Variants in DNAJC13 observed in about 807,000 individuals in gnomAD.
DNAJC13 encodes the protein dnaJ homolog subfamily C member 13.
A neutral mutation model predicts 290.5 loss-of-function variants in DNAJC13; 75 were observed. The observed-to-expected ratio is 0.26, with a 90% CI of 0.21 to 0.31. The LOEUF is 0.31. DNAJC13 is among the 10% of genes least tolerant of loss of function. DNAJC13 has a pLI of 1.00. For missense variants in DNAJC13, 2,260 were observed against 2,674.5 expected, an observed-to-expected ratio of 0.85 and a Z score of 3.42; for synonymous variants, 862 against 892.0, an observed-to-expected ratio of 0.97 and a Z score of 0.60.
chr3:132,490,368 T>C lies in DNAJC13; in HGVS notation c.3469-529T>C, dbSNP rs537258783. On this transcript the variant is annotated intron_variant, in intron 31 of 55. Coordinates refer to ENST00000260818, the MANE Select transcript of DNAJC13 (RefSeq NM_015268.4). ...GTATGATCATTATCCTAACTCCATT[T>C]GGCCTGCCAGAGGATATGGACTTCG... is the stretch of plus-strand genomic sequence containing the variant. 4.6e-5 allele frequency among the ~76,000 whole-genome samples: 7 copies of C among 152,318 alleles called. No individual in the cohort carries two copies. In the South Asian group the frequency reaches 6.2e-4, roughly 14 times the overall value.
At chr3:132,485,010 G>A (rs1305584865) in intron 29 of DNAJC13, among the ~76,000 whole-genome samples, 2 of 152,186 alleles carry the variant, frequency 1.3e-5, no homozygotes, top group Non-Finnish European at 2.9e-5. Context: ...TTTGATCCCA[G>A]GAGTTTGAGG....
Position 132,502,420 on chromosome 3 carries a change from C to T in DNAJC13, c.4668C>T (p.Tyr1556=), listed in dbSNP as rs1401890026. 1.2e-6 allele frequency: 2 copies of T among 1,613,990 alleles called. No homozygotes were observed. Among genetic ancestry groups the T allele is most frequent in the South Asian group, 2.2e-5 (2 of 91,058 alleles). ...TTGGTTTTCTGTTTAATTATGACTA[C>T]ACACTAGAAGAGAGTGGCATTCAGA... ...YLLGFLFNYD[Y]TLEESGIQKS... Residue 1556 remains tyrosine, a synonymous_variant, in exon 40 of 56, where the codon TAC becomes TAT. Transcript: ENST00000260818.
chr3:132,451,511 A>T (rs563299786), intron 6 of DNAJC13, among the ~76,000 whole-genome samples: 1 of 152,310 alleles, frequency 6.6e-6, no homozygotes, highest in South Asian at 2.1e-4. Context: ...GAACCCTGTT[A>T]ATCAGTAATA....
In DNAJC13 at chr3:132,482,276, A is replaced by G. The variant is rs1164583806; in HGVS notation, c.2925A>G (p.Glu975=). The change falls in exon 27 of 56, where the codon GAA becomes GAG. Residue 975 remains glutamate, a synonymous_variant. Coordinates refer to ENST00000260818, the MANE Select transcript of DNAJC13 (RefSeq NM_015268.4). ...ATATGAAAAGAGAGAGTGAAAAGGA[A>G]TGGTATTTTGGCAACGCAGACAAAG... The part of the protein sequence containing the change: ...APDMKRESEK[E]WYFGNADKER... 7 of 1,613,712 alleles carry G rather than the reference A, an allele frequency of 4.3e-6. No individual in the cohort carries two copies. Among genetic ancestry groups the G allele is most frequent in the Non-Finnish European group, 5.9e-6 (7 of 1,179,802 alleles).
At chr3:132,467,733 G>A (rs897720687) in intron 20 of DNAJC13, among the ~76,000 whole-genome samples, 2 of 152,158 alleles carry the variant, frequency 1.3e-5, no homozygotes, top group Non-Finnish European at 1.5e-5. Context: ...CCAAAGTGCT[G>A]GGATTACAGG....
At chr3:132,448,465 G>A (rs538097768) in intron 5 of DNAJC13, among the ~76,000 whole-genome samples, 1 of 152,194 alleles carries the variant, frequency 6.6e-6, no homozygotes, top group East Asian at 1.9e-4. Context: ...ACTTTCCCAG[G>A]CCTTTTCCAG....
intron 22 of DNAJC13, among the ~76,000 whole-genome samples, chr3:132,476,608 A>G (rs1934481208): frequency 6.6e-6 from 1 of 152,212 alleles, no homozygotes; most frequent in Non-Finnish European, 1.5e-5. Flanking sequence ...TAAAACCAGC[A>G]TCTGTGTAAC....
At position 132,450,834 on chromosome 3, in the gene DNAJC13, G is replaced by A. The variant is rs757755351; in HGVS notation, c.524G>A (p.Gly175Glu). The A allele has an allele frequency of 2.6e-6, 4 of 1,547,864 alleles. No individual in the cohort carries two copies. Among genetic ancestry groups the A allele is most frequent in the Non-Finnish European group, 3.5e-6 (4 of 1,132,664 alleles). ...GGAGGATTTTGTATACTTTATGGAG[G>A]ATTTAGTAGATTGGTAAGTACTATT... ...YQGGFCILYG[G>E]FSRLHLFASE... is the part of the protein sequence containing the mutation. The change falls in exon 6 of 56, where the codon GGA becomes GAA. Residue 175 changes from glycine (G) to glutamate (E), a missense_variant. Coordinates refer to ENST00000260818, the MANE Select transcript of DNAJC13 (RefSeq NM_015268.4).
intron 53 of DNAJC13, 131 bp from the exon 54 acceptor site, chr3:132,528,058 A>T: frequency 1.1e-6 from 1 of 880,366 alleles, no homozygotes; most frequent in South Asian, 1.7e-5. Context: ...TTAGATACTT[A>T]AGCCTGTGTA....
chr3:132,495,496 TG>T (rs1257181464), intron 35 of DNAJC13, among the ~76,000 whole-genome samples: 2 of 152,170 alleles, frequency 1.3e-5, no homozygotes, highest in African/African-American at 2.4e-5. Context: ...AGGTTTTAGG[TG>T]ATACCATTGC....
chr3:132,470,663 G>A (rs1222585164), intron 20 of DNAJC13, among the ~76,000 whole-genome samples: 1 of 136,938 alleles, frequency 7.3e-6, no homozygotes, highest in Non-Finnish European at 1.6e-5. Flanking sequence ...GCCGGGCGGG[G>A]GGCCGACACC....
intron 1 of DNAJC13, among the ~76,000 whole-genome samples, chr3:132,428,779 G>A (rs1333279384): frequency 3.3e-5 from 5 of 152,184 alleles, no homozygotes; most frequent in African/African-American, 7.2e-5. Flanking sequence ...CTGTCAGCCC[G>A]GATGGAGCGC....
In DNAJC13 at chr3:132,488,395, G is replaced by A. The variant is rs1348079095; in HGVS notation, c.3365G>A (p.Ser1122Asn). 1 of 1,613,506 alleles carries A rather than the reference G, an allele frequency of 6.2e-7. No homozygotes were observed. Among genetic ancestry groups the A allele is most frequent in the African/African-American group, 1.3e-5 (1 of 74,886 alleles). Reference protein sequence around the residue: ...DNPQLPRLYLSGVFFFIMMYT... With the variant: ...DNPQLPRLYLNGVFFFIMMYT... ...CCACAGTTACCCCGCCTTTATCTGAGTGGAGTATTTTTCTTTATCATGATG... is the reference window on the plus strand; with the variant it reads ...CCACAGTTACCCCGCCTTTATCTGAATGGAGTATTTTTCTTTATCATGATG... The change falls in exon 30 of 56, where the codon AGT becomes AAT. Residue 1122 changes from serine (S) to asparagine (N), a missense_variant. Ser to Asn is a conservative substitution (Grantham distance 46, BLOSUM62 1). Coordinates refer to ENST00000260818, the MANE Select transcript of DNAJC13 (RefSeq NM_015268.4).
At chr3:132,516,009 A>AC (rs1935909455) in intron 46 of DNAJC13, among the ~76,000 whole-genome samples, 1 of 152,194 alleles carries the variant, frequency 6.6e-6, no homozygotes, top group South Asian at 2.1e-4. Flanking sequence ...ACCCGGTCTT[A>AC]CAACTGCTAC....
chr3:132,531,365 A>C (rs1424201172), intron 55 of DNAJC13, among the ~76,000 whole-genome samples: 1 of 152,224 alleles, frequency 6.6e-6, no homozygotes, highest in Non-Finnish European at 1.5e-5. Flanking sequence ...TATTTGGAGC[A>C]TGTCTGTATT....
intron 33 of DNAJC13, 48 bp downstream of exon 33, chr3:132,492,663 T>A (rs370851988): frequency 6.5e-7 from 1 of 1,532,060 alleles, no homozygotes; most frequent in Non-Finnish European, 9.0e-7. Flanking sequence ...AAAAATAGCC[T>A]CTAAACACTT....
chr3:132,528,101 C>A, intron 53 of DNAJC13, 88 bp from the exon 54 acceptor site: 3 of 1,484,350 alleles, frequency 2.0e-6, no homozygotes, highest in Non-Finnish European at 2.8e-6. Flanking sequence ...AGGCTGCCTT[C>A]CAGGTAGGTC....
intron 43 of DNAJC13, 120 bp downstream of exon 43, chr3:132,507,473 C>CT (rs55927833): frequency 0.14 from 73,252 of 523,194 alleles, 2,071 homozygotes; most frequent in East Asian, 0.43. Flanking sequence ...TACTGTGCTG[C>CT]TTTTTTTTTT....
intron 41 of DNAJC13, among the ~76,000 whole-genome samples, chr3:132,504,314 T>C (rs1008614721): frequency 6.7e-6 from 1 of 149,784 alleles, no homozygotes; most frequent in Non-Finnish European, 1.5e-5. Context: ...CTACTGGTTT[T>C]TTTTTTTTTT....
Sources: allele counts gnomAD v4.1 joint callset (sites outside exome capture counted in the v4.1 genomes callset), GRCh38; gene constraint gnomAD v4.1.1; transcripts MANE v1.5; gene names NCBI Gene and HGNC (gene_info 2026-07-23, HGNC 2026-07-21).